Variants in LRRC37A2 observed in about 807,000 individuals in gnomAD.
The protein encoded by LRRC37A2 is leucine-rich repeat-containing protein 37A2.
In LRRC37A2, 9 loss-of-function variants were observed where a neutral mutation model predicts 68.8. The observed-to-expected ratio is 0.13, with a 90% CI of 0.08 to 0.23. The LOEUF (loss-of-function observed/expected upper bound fraction) is 0.23, where lower values mean the gene tolerates loss of function less well. Among genes scored for constraint, LRRC37A2 ranks in the 10% least tolerant of loss-of-function variants. The pLI is 1.00. For synonymous variants in LRRC37A2, 63 were observed against 367.6 expected (o/e 0.17, Z 9.48); for missense variants, 168 against 950.4 (o/e 0.18, Z 10.82).
chr17:46,760,304 A>C, the LRRC37A2 span, among the ~76,000 whole-genome samples: 1 of 152,092 alleles, frequency 6.6e-6, no homozygotes, highest in South Asian at 2.1e-4. Context: ...ATTAGTATGA[A>C]TAGGGACCAT....
At chr17:46,828,287 C>A in the LRRC37A2 span, among the ~76,000 whole-genome samples, 1 of 152,048 alleles carries the variant, frequency 6.6e-6, no homozygotes, top group Non-Finnish European at 1.5e-5. Flanking sequence ...ACCTCCATCT[C>A]CCAGGATCTA....
the LRRC37A2 span, among the ~76,000 whole-genome samples, chr17:46,853,669 GT>G: frequency 6.6e-6 from 1 of 152,024 alleles, no homozygotes; most frequent in African/African-American, 2.4e-5. Context: ...GGCCTGGCTA[GT>G]TTTTTTCATT....
the LRRC37A2 span, chr17:46,941,352 T>A: frequency 1.0e-6 from 1 of 984,476 alleles, no homozygotes; most frequent in Non-Finnish European, 1.2e-6. Context: ...TGAGGTTTAT[T>A]TTATTTAGAA....
chr17:46,461,096 C>T, the LRRC37A2 span, among the ~76,000 whole-genome samples: 1 of 66,978 alleles, frequency 1.5e-5, no homozygotes, highest in Admixed American at 1.5e-4. Context: ...TAAGCAACAA[C>T]TAGCTAGTAG....
chr17:46,708,625 G>A, the LRRC37A2 span, among the ~76,000 whole-genome samples: 1 of 146,658 alleles, frequency 6.8e-6, no homozygotes, highest in Non-Finnish European at 1.5e-5. Flanking sequence ...CCCAGTAGCT[G>A]GGATTGTAGG....
chr17:46,908,282 C>G, the LRRC37A2 span, among the ~76,000 whole-genome samples: 3 of 152,048 alleles, frequency 2.0e-5, no homozygotes, highest in Non-Finnish European at 4.4e-5. Context: ...GGAAGGGGGC[C>G]TCTGAGGGAT....
chr17:46,922,859 T>G, the LRRC37A2 span: 5 of 408,612 alleles, frequency 1.2e-5, no homozygotes, highest in African/African-American at 2.0e-5. Context: ...CGGCTCGCCT[T>G]CAACTTTGCT....
chr17:46,493,788 C>G, the LRRC37A2 span, among the ~76,000 whole-genome samples: 7 of 150,694 alleles, frequency 4.6e-5, no homozygotes, highest in Admixed American at 4.6e-4. Flanking sequence ...CCTCCTGCCT[C>G]GGCCTCCCAA....
the LRRC37A2 span, chr17:46,979,092 G>A: frequency 8.1e-7 from 1 of 1,242,064 alleles, no homozygotes; most frequent in Non-Finnish European, 1.0e-6. Flanking sequence ...GGACGCTCCG[G>A]ACCCCTCGGA....
chr17:46,709,553 G>A, the LRRC37A2 span, among the ~76,000 whole-genome samples: 1 of 151,742 alleles, frequency 6.6e-6, no homozygotes, highest in African/African-American at 2.4e-5. Context: ...GGAGTGCAGT[G>A]GCGTGATCTC....
chr17:46,549,338 A>C (rs1169636194), exon 10 of LRRC37A2: 1 of 1,601,644 alleles, frequency 6.2e-7, no homozygotes, highest in Non-Finnish European at 8.5e-7. Flanking sequence ...TTTGAAGAAA[A>C]TGATTTTATG....
At chr17:46,769,665 G>A in the LRRC37A2 span, 21 of 1,413,250 alleles carry the variant, frequency 1.5e-5, no homozygotes, top group Admixed American at 3.9e-5. Context: ...TGGCCAAGGG[G>A]AAAAGGAGCC....
chr17:46,707,195 C>T, the LRRC37A2 span, among the ~76,000 whole-genome samples: 2 of 152,160 alleles, frequency 1.3e-5, no homozygotes, highest in Non-Finnish European at 2.9e-5. Flanking sequence ...AATGAGATCT[C>T]ATTTCAGTCT....
At chr17:46,501,074 G>C in the LRRC37A2 span, among the ~76,000 whole-genome samples, 5 of 151,292 alleles carry the variant, frequency 3.3e-5, no homozygotes, top group African/African-American at 1.2e-4. Flanking sequence ...AATTTTTTTA[G>C]AGACAGAATA....
the LRRC37A2 span, among the ~76,000 whole-genome samples, chr17:46,716,275 G>C: frequency 2.4e-5 from 2 of 83,090 alleles, no homozygotes; most frequent in African/African-American, 4.1e-5. Flanking sequence ...TTTTTTTTTT[G>C]AGATGGAGTC....
At chr17:46,939,866 TCTAA>T in the LRRC37A2 span, 3,991 of 994,072 alleles carry the variant, frequency 4.0e-3, 9 homozygotes, top group Non-Finnish European at 4.2e-3. Context: ...CTGAAGTCCA[TCTAA>T]TGTGGTGAAT....
chr17:46,771,748 G>A, the LRRC37A2 span, among the ~76,000 whole-genome samples: 1 of 92,052 alleles, frequency 1.1e-5, no homozygotes, highest in Non-Finnish European at 2.2e-5. Context: ...CATTGAAGCG[G>A]CGCCCCCCGC....
chr17:46,723,378 GA>G, the LRRC37A2 span, among the ~76,000 whole-genome samples: 1 of 152,166 alleles, frequency 6.6e-6, no homozygotes, highest in Non-Finnish European at 1.5e-5. Flanking sequence ...GAGTTTATAA[GA>G]TACCACATTG....
the LRRC37A2 span, among the ~76,000 whole-genome samples, chr17:47,012,412 G>A: frequency 6.6e-6 from 1 of 151,552 alleles, no homozygotes; most frequent in Non-Finnish European, 1.5e-5. Flanking sequence ...AAAAACTTTG[G>A]GGCTTCAAAG....
Sources: allele counts gnomAD v4.1 joint callset (sites outside exome capture counted in the v4.1 genomes callset), GRCh38; gene constraint gnomAD v4.1.1; transcripts MANE v1.5; gene names NCBI Gene and HGNC (gene_info 2026-07-23, HGNC 2026-07-21).